Variants in OR1L8 observed in about 807,000 individuals in gnomAD.
OR1L8 encodes olfactory receptor family 1 subfamily L member 8.
For missense variants in OR1L8, 330 were observed against 377.4 expected (o/e 0.87, Z 1.04); for synonymous variants, 148 against 147.0 (o/e 1.01, Z -0.05).
intron 2 of OR1L8, among the ~76,000 whole-genome samples, chr9:122,577,408 A>C (rs111371364): frequency 4.5e-4 from 69 of 152,324 alleles, no homozygotes; most frequent in African/African-American, 1.6e-3. Context: ...ACATACAAAA[A>C]TCGTTGGGAT....
intron 4 of OR1L8, among the ~76,000 whole-genome samples, chr9:122,571,274 G>A (rs923999604): frequency 8.7e-4 from 132 of 152,222 alleles, no homozygotes; most frequent in African/African-American, 3.6e-4. Context: ...CATGCATGCC[G>A]GGCGCGGTGG....
rs1564200120 is a variant in OR1L8 at position 122,568,289 on chromosome 9, G to C, written c.189C>G (p.Phe63Leu). Residue 63 changes from phenylalanine to leucine, a missense_variant, in exon 5 of 5, where the codon TTC (phenylalanine) becomes TTG (leucine). Physicochemically the swap from Phe to Leu is conservative, Grantham distance 22 (BLOSUM62 0). Transcript: ENST00000641027. Reference protein sequence around the residue: ...NPHLQTPMYFFLSFLSLTDIC... With the variant: ...NPHLQTPMYFLLSFLSLTDIC... ...TATCAGTGAGAGACAGAAAACTCAA[G>C]AAGAAATACATAGGGGTCTGAAGAT... 4 of 1,614,028 alleles carry C rather than the reference G, an allele frequency of 2.5e-6. No homozygotes were observed. Among genetic ancestry groups the C allele is most frequent in the Non-Finnish European group, 3.4e-6 (4 of 1,180,010 alleles).
At chr9:122,564,544 G>A (rs1588212471), downstream of OR1L8, among the ~76,000 whole-genome samples, 1 of 152,146 alleles carries the variant, frequency 6.6e-6, no homozygotes, top group African/African-American at 2.4e-5. Context: ...AAAAGATGCA[G>A]GGGTGGTGAT....
intron 4 of OR1L8, among the ~76,000 whole-genome samples, chr9:122,569,911 T>C (rs573955964): frequency 0.019 from 2,778 of 147,636 alleles, 68 homozygotes; most frequent in African/African-American, 0.065. Flanking sequence ...TTCCCACCAA[T>C]GAGTGAGAAT....
intron 3 of OR1L8, among the ~76,000 whole-genome samples, chr9:122,573,945 T>A (rs1829596762): frequency 1.3e-5 from 2 of 152,248 alleles, no homozygotes; most frequent in Non-Finnish European, 2.9e-5. Flanking sequence ...TTCTTTTTGG[T>A]ATGTGGACGT....
chr9:122,568,964 G>C (rs919484548), intron 4 of OR1L8, among the ~76,000 whole-genome samples: 6 of 150,914 alleles, frequency 4.0e-5, no homozygotes, highest in African/African-American at 1.5e-4. Flanking sequence ...AGTCAGACTG[G>C]GGGTATTTTA....
the OR1L8 span, among the ~76,000 whole-genome samples, chr9:122,546,497 G>A: frequency 6.6e-6 from 1 of 152,148 alleles, no homozygotes; most frequent in South Asian, 2.1e-4. Context: ...GCTGTGAGCT[G>A]TCCAAGTGAT....
the OR1L8 span, among the ~76,000 whole-genome samples, chr9:122,547,620 A>AGTGTGTGTGTGT: frequency 4.3e-4 from 62 of 142,986 alleles, no homozygotes; most frequent in Admixed American, 9.2e-4. Flanking sequence ...GTAGTAGTTC[A>AGTGTGTGTGTGT]GTGTGTGTGT....
the OR1L8 span, among the ~76,000 whole-genome samples, chr9:122,561,569 T>G: frequency 3.3e-5 from 5 of 152,208 alleles, no homozygotes; most frequent in African/African-American, 1.2e-4. Flanking sequence ...TGTTTGTTTT[T>G]CTTTCAGTGG....
At chr9:122,554,929 TAAATC>T in the OR1L8 span, among the ~76,000 whole-genome samples, 1,335 of 152,288 alleles carry the variant, frequency 8.8e-3, 15 homozygotes, top group African/African-American at 0.031. Context: ...TCAAAAATGA[TAAATC>T]AAGCATGCTG....
chr9:122,581,633 G>A (rs1051807890), intron 1 of OR1L8, among the ~76,000 whole-genome samples: 1 of 148,542 alleles, frequency 6.7e-6, no homozygotes, highest in Non-Finnish European at 1.5e-5. Context: ...AGAGGTAAGC[G>A]AGTGCCAATC....
chr9:122,546,453 T>C, the OR1L8 span, among the ~76,000 whole-genome samples: 1 of 152,192 alleles, frequency 6.6e-6, no homozygotes, highest in Non-Finnish European at 1.5e-5. Context: ...GAACGTTTGC[T>C]CGCACGGTGC....
chr9:122,567,554 T>G lies in OR1L8; in HGVS notation c.924A>C (p.Arg308Ser), dbSNP rs777254537. 1.3e-6 allele frequency: 2 copies of G among 1,571,206 alleles called. No individual in the cohort carries two copies. The highest frequency in any genetic ancestry group is 2.4e-5 in the South Asian group (2 of 82,866). Residue 308 changes from arginine to serine, a missense_variant, in exon 5 of 5, where the codon AGA becomes AGC. By Grantham distance (110) the Arg-to-Ser change is moderately radical. Coordinates refer to ENST00000641027, the MANE Select transcript of OR1L8 (RefSeq NM_001004454.2). ...KQGLRKLMSK[R>S]S ...TTTTTCAAGAGGGTGCTTCCTAGGA[T>G]CTCTTGCTCATAAGCTTCCTCAGGC...
intron 3 of OR1L8, 117 bp downstream of exon 3, chr9:122,576,647 TAA>T (rs1245041290): frequency 6.6e-6 from 1 of 152,116 alleles, no homozygotes; most frequent in Non-Finnish European, 1.5e-5. Context: ...CTCTGGGAGG[TAA>T]AACTCACAAC....
At chr9:122,564,833 A>G (rs1829403864), downstream of OR1L8, among the ~76,000 whole-genome samples, 3 of 152,238 alleles carry the variant, frequency 2.0e-5, no homozygotes, top group African/African-American at 7.2e-5. Flanking sequence ...CTTAACTGTC[A>G]TACCTCAGGA....
chr9:122,571,930 T>C (rs1258322103), intron 4 of OR1L8, among the ~76,000 whole-genome samples: 3 of 152,136 alleles, frequency 2.0e-5, no homozygotes, highest in Non-Finnish European at 4.4e-5. Flanking sequence ...GGGTAATTTT[T>C]AAAGTAAAGA....
At chr9:122,553,609 T>A in the OR1L8 span, 3 of 1,614,148 alleles carry the variant, frequency 1.9e-6, no homozygotes, top group South Asian at 3.3e-5. Context: ...TGCCAACCAC[T>A]CCATTACAGC....
Position 122,568,217 on chromosome 9 carries a change from C to G in OR1L8, c.261G>C (p.Leu87=), listed in dbSNP as rs1829472693. The part of the protein sequence containing the change: ...SVVPKMLMNF[L]SEKKTISYAG... ...CATAGGAGATGGTCTTCTTTTCTGA[C>G]AGGAAGTTCATCAGCATCTTGGGGA... The change falls in exon 5 of 5, where the codon CTG becomes CTC. Residue 87 remains leucine, a synonymous_variant. Transcript: ENST00000641027. 2 of 1,614,024 alleles carry G rather than the reference C, an allele frequency of 1.2e-6. No individual in the cohort carries two copies. Among genetic ancestry groups the G allele is most frequent in the African/African-American group, 1.3e-5 (1 of 74,906 alleles).
At chr9:122,548,808 T>C in the OR1L8 span, among the ~76,000 whole-genome samples, 1 of 97,548 alleles carries the variant, frequency 1.0e-5, no homozygotes, top group African/African-American at 3.8e-5. Flanking sequence ...TGTGTTTTGT[T>C]GTTGTTGTTG....
Sources: allele counts gnomAD v4.1 joint callset (sites outside exome capture counted in the v4.1 genomes callset), GRCh38; gene constraint gnomAD v4.1.1; transcripts MANE v1.5; gene names NCBI Gene and HGNC (gene_info 2026-07-23, HGNC 2026-07-21).